The following ENOSF1 variants were observed in gnomAD, a reference collection of about 807,000 sequenced individuals.
ENOSF1 encodes enolase superfamily member 1, also known as mitochondrial enolase superfamily member 1.
ENOSF1 carries 73 observed loss-of-function variants against 68.2 expected under a neutral mutation model. The ratio of observed to expected loss-of-function variants is 1.07; its 90% CI spans 0.89 to 1.30. The LOEUF is 1.30. ENOSF1 is among the 50% of genes most tolerant of loss of function. The pLI, the probability that ENOSF1 is intolerant of heterozygous loss-of-function variation, is 0.00. For synonymous variants in ENOSF1, 223 were observed against 210.4 expected, an observed-to-expected ratio of 1.06 and a Z score of -0.52; for missense variants, 589 against 554.5, an observed-to-expected ratio of 1.06 and a Z score of -0.62.
Position 674,210 on chromosome 18 carries a change from C to A in ENOSF1, c.*95G>T. The A allele has an allele frequency of 1.2e-6, 1 of 825,706 alleles. No individual in the cohort carries two copies. Among genetic ancestry groups the A allele is most frequent in the South Asian group, 1.7e-5 (1 of 59,216 alleles). 51.1% of individuals were successfully genotyped at this position (825,706 alleles called of 1,614,324 possible). ...GACTTCTAGCTGAACTCATCTTGAT[C>A]GGTAGGATTTTTTAAATCCATTTTT... On this transcript the variant is annotated 3_prime_UTR_variant, in exon 16 of 16. Coordinates refer to ENST00000647584, the MANE Select transcript of ENOSF1 (RefSeq NM_017512.7).
chr18:666,338 C>T (rs1205865672), downstream of ENOSF1, among the ~76,000 whole-genome samples: 3 of 152,032 alleles, frequency 2.0e-5, no homozygotes, highest in East Asian at 1.9e-4. Flanking sequence ...TGAGCCACAG[C>T]GTGCTGTAGG....
At chr18:712,407 C>A in intron 1 of ENOSF1, 97 bp downstream of exon 1, 1 of 1,226,850 alleles carries the variant, frequency 8.2e-7, no homozygotes. Context: ...ATGGCGTCCG[C>A]GCTTACCATG....
intron 10 of ENOSF1, among the ~76,000 whole-genome samples, chr18:684,264 G>A (rs770945701): frequency 1.5e-4 from 23 of 151,944 alleles, no homozygotes; most frequent in Non-Finnish European, 3.2e-4. Flanking sequence ...CAAAGTGCTG[G>A]GATTACAGCC....
chr18:671,070 C>A lies in ENOSF1; in HGVS notation c.*3235G>T. The A allele has an allele frequency of 1.6e-6, 1 of 643,956 alleles. No individual in the cohort carries two copies. Among genetic ancestry groups the A allele is most frequent in the East Asian group, 2.8e-5 (1 of 36,320 alleles). The allele number at this position is 643,956 out of a possible 1,614,324, so 39.9% of individuals were successfully genotyped here. On this transcript the variant is annotated 3_prime_UTR_variant, in exon 16 of 16. Coordinates refer to ENST00000647584, the MANE Select transcript of ENOSF1 (RefSeq NM_017512.7). The stretch of plus-strand genomic sequence containing the variant: ...CCCTGTGGTATACGCACTAACAGAT[C>A]TATACAGGTTGTTTGTGATACAGCT...
At chr18:674,523 ATTTTT>A in intron 15 of ENOSF1, 117 bp from the exon 16 acceptor site, 2 of 554,626 alleles carry the variant, frequency 3.6e-6, no homozygotes, top group Non-Finnish European at 6.1e-6. Context: ...CAATTAATTA[ATTTTT>A]TTTTTTTTGA....
At position 671,310 on chromosome 18, in the gene ENOSF1, A is replaced by G. The variant is rs545044905; in HGVS notation, c.*2995T>C. The G allele has an allele frequency of 2.0e-6, 2 of 1,023,616 alleles. No homozygotes were observed. The highest frequency in any genetic ancestry group is 2.6e-5 in the South Asian group (2 of 77,204). The allele number at this position is 1,023,616 out of a possible 1,614,324, so 63.4% of individuals were successfully genotyped here. ...AAGCCTTGCGGTGTCTGCATATTCT[A>G]ATGTTTTTAAATGATGTTTTAAAGA... On this transcript the variant is annotated 3_prime_UTR_variant, in exon 16 of 16. Coordinates refer to ENST00000647584, the MANE Select transcript of ENOSF1 (RefSeq NM_017512.7).
chr18:694,362 C>T, intron 3 of ENOSF1, 28 bp from the exon 4 acceptor site: 2 of 1,610,096 alleles, frequency 1.2e-6, no homozygotes, highest in African/African-American at 1.3e-5. Context: ...TACAAAAGCA[C>T]TTTTTAGAAA....
chr18:711,317 A>G (rs1351685584), intron 1 of ENOSF1, among the ~76,000 whole-genome samples: 2 of 152,226 alleles, frequency 1.3e-5, no homozygotes, highest in Non-Finnish European at 2.9e-5. Context: ...TTTCAGGTAC[A>G]AAAAGAGTAT....
At chr18:666,798 T>C (rs1427420788), downstream of ENOSF1, among the ~76,000 whole-genome samples, 2 of 152,270 alleles carry the variant, frequency 1.3e-5, no homozygotes, top group African/African-American at 4.8e-5. Context: ...GAAAGTGGAA[T>C]GCTAGTTTCC....
At chr18:666,680 G>C (rs186199161), downstream of ENOSF1, among the ~76,000 whole-genome samples, 22 of 152,282 alleles carry the variant, frequency 1.4e-4, no homozygotes, top group East Asian at 4.0e-3. Context: ...TTCAATAAAA[G>C]CCTAAAATCT....
Position 673,731 on chromosome 18 carries a change from A to G in ENOSF1, c.*574T>C, listed in dbSNP as rs1225781501. On this transcript the variant is annotated 3_prime_UTR_variant, in exon 16 of 16. Transcript: ENST00000647584. ...TAGAGTTTTTTTTTTTTTTTTTTAA[A>G]CTTTTATAACCTTAAAGGGTTATTT... 9.0e-6 allele frequency: 1 copy of G among 110,720 alleles called. No individual in the cohort carries two copies. Among genetic ancestry groups the G allele is most frequent in the African/African-American group, 4.4e-5 (1 of 22,848 alleles). The allele number at this position is 110,720 out of a possible 1,614,324, so 6.9% of individuals were successfully genotyped here. A position where few individuals can be genotyped will look rare whatever the true frequency, so the allele number is the denominator to read the frequency against.
At chr18:708,247 G>A (rs926735031) in intron 1 of ENOSF1, among the ~76,000 whole-genome samples, 1 of 152,184 alleles carries the variant, frequency 6.6e-6, no homozygotes, top group African/African-American at 2.4e-5. Flanking sequence ...GGAGCCCTGA[G>A]TCTGGTATCA....
At position 690,955 on chromosome 18, in the gene ENOSF1, T is replaced by C. The variant is rs2077095238; in HGVS notation, c.535+113A>G. 2.3e-6 allele frequency: 3 copies of C among 1,294,752 alleles called. No individual in the cohort carries two copies. In the South Asian group the frequency reaches 3.9e-5, roughly 17 times the overall value. The allele number at this position is 1,294,752 out of a possible 1,614,324, so 80.2% of individuals were successfully genotyped here. On this transcript the variant is annotated intron_variant, in intron 7 of 15. Coordinates refer to ENST00000647584, the MANE Select transcript of ENOSF1 (RefSeq NM_017512.7). ...AGACTTGAATGTTGATTTGAGGGCC[T>C]AGCTGCTCAGCACAGGGCATTTGGG...
rs1025547833 is a variant in ENOSF1, at chr18:673,203, C to T, written c.*1102G>A. The T allele has an allele frequency of 1.8e-5, 8 of 448,404 alleles. No individual in the cohort carries two copies. The highest frequency in any genetic ancestry group is 2.7e-5 in the Non-Finnish European group (7 of 259,446). The allele number at this position is 448,404 out of a possible 1,614,324, so 27.8% of individuals were successfully genotyped here. ...CATAATAAAAGGCTTTGAGTTAACT[C>T]ACTGAGGGTATCTGACAATGCTGAG... On this transcript the variant is annotated 3_prime_UTR_variant, in exon 16 of 16. Transcript: ENST00000647584.
intron 5 of ENOSF1, chr18:693,247 C>G: frequency 1.6e-6 from 2 of 1,288,838 alleles, no homozygotes; most frequent in South Asian, 2.5e-5. Context: ...TGAGCTCCTT[C>G]CCTGCTGGAA....
intron 14 of ENOSF1, 65 bp downstream of exon 14, chr18:677,280 T>C: frequency 7.4e-7 from 1 of 1,349,384 alleles, no homozygotes; most frequent in South Asian, 1.2e-5. Context: ...AGGCAGAATT[T>C]ACAAGCTCTG....
chr18:688,401 G>T, intron 9 of ENOSF1, 173 bp downstream of exon 9: 2 of 673,676 alleles, frequency 3.0e-6, no homozygotes, highest in Non-Finnish European at 5.0e-6. Context: ...CTCACATCCT[G>T]CCTTTAGAGA....
chr18:682,939 G>A, intron 11 of ENOSF1: 1 of 245,908 alleles, frequency 4.1e-6, no homozygotes. Flanking sequence ...AAAAAATGCT[G>A]TCACATTTCT....
downstream of ENOSF1, among the ~76,000 whole-genome samples, chr18:667,438 ATGGTGATGGTGATGGTGAT>A (rs2074870644): frequency 3.7e-3 from 4 of 1,082 alleles, 2 homozygotes; most frequent in African/African-American, 0.023. Flanking sequence ...GGAGATGGTG[ATGGTGATGGTGATGGTGAT>A]GATGGAGATG....
Sources: allele counts gnomAD v4.1 joint callset (sites outside exome capture counted in the v4.1 genomes callset), GRCh38; gene constraint gnomAD v4.1.1; transcripts MANE v1.5; gene names NCBI Gene and HGNC (gene_info 2026-07-23, HGNC 2026-07-21).